Variants in RANBP2 observed in about 807,000 individuals in gnomAD.
The protein encoded by RANBP2 is E3 SUMO-protein ligase RanBP2.
A neutral mutation model predicts 303.6 loss-of-function variants in RANBP2; 57 were observed. The observed-to-expected ratio is 0.19, with a 90% CI of 0.15 to 0.23. The LOEUF is 0.23. RANBP2 is among the 10% of genes least tolerant of loss of function. RANBP2 has a pLI of 1.00. For missense variants in RANBP2, 3,138 were observed against 3,780.8 expected, an observed-to-expected ratio of 0.83 and a Z score of 4.46; for synonymous variants, 1,167 against 1,301.5, an observed-to-expected ratio of 0.90 and a Z score of 2.23.
the RANBP2 span, among the ~76,000 whole-genome samples, chr2:109,348,761 T>A: frequency 1.3e-5 from 2 of 152,084 alleles, no homozygotes; most frequent in Non-Finnish European, 2.9e-5. Flanking sequence ...CCTTCCTCCT[T>A]TCCATCTTCA....
the RANBP2 span, among the ~76,000 whole-genome samples, chr2:108,854,031 A>G: frequency 9.4e-6 from 1 of 106,390 alleles, no homozygotes; most frequent in African/African-American, 4.2e-5. Flanking sequence ...AATTTATATT[A>G]TATATAATAT....
the RANBP2 span, among the ~76,000 whole-genome samples, chr2:108,813,121 C>T: frequency 6.6e-3 from 998 of 151,798 alleles, 5 homozygotes; most frequent in South Asian, 0.021. Context: ...TGGTGGCACA[C>T]GCCTGTAGTC....
intron 4 of RANBP2, among the ~76,000 whole-genome samples, chr2:108,732,732 C>T (rs1695268254): frequency 6.6e-6 from 1 of 152,248 alleles, no homozygotes; most frequent in Admixed American, 6.5e-5. Context: ...CTATGCCTGA[C>T]CTCTGGCAAC....
Position 108,784,618 on chromosome 2 carries a change from G to C in RANBP2, c.*717G>C, listed in dbSNP as rs1170778462. ...TGTCTCTACTACCTCAGAAACTGCA[G>C]CTTGGTTCTGATGATAGAAATTGAA... On this transcript the variant is annotated 3_prime_UTR_variant, in exon 29 of 29. Coordinates refer to ENST00000283195, the MANE Select transcript of RANBP2 (RefSeq NM_006267.5). 1 of 152,602 alleles carries C rather than the reference G, an allele frequency of 6.6e-6. No homozygotes were observed. Among genetic ancestry groups the C allele is most frequent in the Non-Finnish European group, 1.5e-5 (1 of 68,040 alleles). The allele number at this position is 152,602 out of a possible 1,614,324, so 9.5% of individuals were successfully genotyped here. A position where few individuals can be genotyped will look rare whatever the true frequency, so the allele number is the denominator to read the frequency against.
chr2:109,245,353 C>T, the RANBP2 span, among the ~76,000 whole-genome samples: 1 of 151,980 alleles, frequency 6.6e-6, no homozygotes, highest in Non-Finnish European at 1.5e-5. Context: ...CAGTGTCAAC[C>T]TCTGCTGTAA....
At chr2:108,865,835 G>A in the RANBP2 span, among the ~76,000 whole-genome samples, 6 of 152,158 alleles carry the variant, frequency 3.9e-5, no homozygotes, top group African/African-American at 1.4e-4. Flanking sequence ...GGTGGCTATA[G>A]TGATCAACAC....
At chr2:109,592,939 A>AT in the RANBP2 span, 8 of 561,426 alleles carry the variant, frequency 1.4e-5, no homozygotes, top group Admixed American at 1.8e-4. Context: ...GTTGGAGGTA[A>AT]GTACAAACAG....
chr2:109,315,803 G>A, the RANBP2 span, among the ~76,000 whole-genome samples: 1 of 152,186 alleles, frequency 6.6e-6, no homozygotes, highest in African/African-American at 2.4e-5. Context: ...GTGTGGAAGG[G>A]ACGTCGTCGC....
Position 108,782,259 on chromosome 2 carries a change from A to C in RANBP2, c.8892A>C (p.Thr2964=). Reference sequence around the variant, plus strand: ...GAGATATAAAGATTCTTTGGCATACAATGAAGAATTATTACCGGATCCTAA... The same window carrying C: ...GAGATATAAAGATTCTTTGGCATACCATGAAGAATTATTACCGGATCCTAA... ...GVGDIKILWH[T]MKNYYRILMR... Residue 2964 remains threonine (T), a synonymous_variant, in exon 27 of 29, where the codon ACA becomes ACC. Coordinates refer to ENST00000283195, the MANE Select transcript of RANBP2 (RefSeq NM_006267.5). The C allele has an allele frequency of 6.2e-7, 1 of 1,614,188 alleles. No homozygotes were observed. Among genetic ancestry groups the C allele is most frequent in the Non-Finnish European group, 8.5e-7 (1 of 1,180,018 alleles).
chr2:108,872,820 G>T, the RANBP2 span, among the ~76,000 whole-genome samples: 1 of 152,168 alleles, frequency 6.6e-6, no homozygotes, highest in Non-Finnish European at 1.5e-5. Context: ...CATTCTGCCT[G>T]CAGGCCCCCC....
chr2:108,852,250 G>A, the RANBP2 span, among the ~76,000 whole-genome samples: 1 of 152,142 alleles, frequency 6.6e-6, no homozygotes, highest in African/African-American at 2.4e-5. Flanking sequence ...AAATTTAACT[G>A]TAAGATACAA....
At chr2:109,388,754 T>G in the RANBP2 span, among the ~76,000 whole-genome samples, 1 of 152,164 alleles carries the variant, frequency 6.6e-6, no homozygotes, top group Non-Finnish European at 1.5e-5. Flanking sequence ...TCCTCAGACC[T>G]CCAAGGATCA....
At chr2:109,010,892 A>G in the RANBP2 span, among the ~76,000 whole-genome samples, 1 of 152,214 alleles carries the variant, frequency 6.6e-6, no homozygotes, top group African/African-American at 2.4e-5. Flanking sequence ...CCCGGCTGCT[A>G]CAGGTGAGCC....
At chr2:109,228,267 C>T in the RANBP2 span, among the ~76,000 whole-genome samples, 1 of 152,142 alleles carries the variant, frequency 6.6e-6, no homozygotes, top group Non-Finnish European at 1.5e-5. Context: ...GCGTGTCTAT[C>T]CCCCAAAGGC....
At chr2:109,227,734 C>G in the RANBP2 span, among the ~76,000 whole-genome samples, 2 of 152,220 alleles carry the variant, frequency 1.3e-5, no homozygotes, top group African/African-American at 4.8e-5. Flanking sequence ...GAATCTTGTG[C>G]AGTCCTTTCG....
At chr2:109,660,304 G>A in the RANBP2 span, among the ~76,000 whole-genome samples, 1 of 152,156 alleles carries the variant, frequency 6.6e-6, no homozygotes, top group Non-Finnish European at 1.5e-5. Flanking sequence ...CATTTACATA[G>A]GGTGTAACCA....
intron 1 of RANBP2, among the ~76,000 whole-genome samples, chr2:108,728,625 GAT>G (rs1694929621): frequency 6.6e-6 from 1 of 151,320 alleles, no homozygotes; most frequent in South Asian, 2.1e-4. Flanking sequence ...TGATGATGAT[GAT>G]GATGATGATG....
At chr2:108,813,369 A>G in the RANBP2 span, among the ~76,000 whole-genome samples, 2 of 151,566 alleles carry the variant, frequency 1.3e-5, no homozygotes, top group African/African-American at 2.4e-5. Context: ...TTTGCTATGG[A>G]AGGGATTCAC....
chr2:109,544,475 G>A, the RANBP2 span: 2 of 1,373,638 alleles, frequency 1.5e-6, no homozygotes, highest in Non-Finnish European at 1.9e-6. Context: ...ATATTTTCTT[G>A]AAGATAAATT....
Sources: gnomAD v4.1 joint callset for allele counts (sites outside exome capture counted in the v4.1 genomes callset) on GRCh38, gnomAD v4.1.1 for gene constraint, MANE v1.5 for transcripts, NCBI Gene and HGNC (gene_info 2026-07-23, HGNC 2026-07-21) for gene names.